RIMBP2: variants seen among roughly 807,000 people sequenced by gnomAD.
The protein encoded by RIMBP2 is RIMS binding protein 2.
A neutral mutation model predicts 118.6 loss-of-function variants in RIMBP2; 48 were observed. The ratio of observed to expected loss-of-function variants is 0.40; its 90% confidence interval spans 0.32 to 0.51. RIMBP2 has a LOEUF of 0.51. Ranked by LOEUF, RIMBP2 falls within the 20% of genes least tolerant of loss-of-function variation. RIMBP2 has a pLI of 0.41. For missense variants in RIMBP2, 1,551 were observed against 1,768.3 expected, an observed-to-expected ratio of 0.88 and a Z score of 2.20; for synonymous variants, 762 against 742.9, an observed-to-expected ratio of 1.03 and a Z score of -0.42.
intron 12 of RIMBP2, 78 bp from the exon 13 acceptor site, chr12:130,437,369 C>T: frequency 1.6e-6 from 2 of 1,225,642 alleles, no homozygotes; most frequent in Non-Finnish European, 2.3e-6. Flanking sequence ...GACCAGTCCT[C>T]TGCCCAGAGG....
intron 6 of RIMBP2, chr12:130,466,143 C>T (rs1363798381): frequency 6.6e-6 from 1 of 152,174 alleles, no homozygotes; most frequent in East Asian, 1.9e-4. Context: ...AGGACACGGC[C>T]CAGCACAGGG....
At chr12:130,673,005 A>T (rs12308696) in intron 1 of RIMBP2, among the ~76,000 whole-genome samples, 87,886 of 151,804 alleles carry the variant, frequency 0.58, 25,720 homozygotes, top group East Asian at 0.72. Flanking sequence ...CTCCCAGGAA[A>T]CAAAGGAAGA....
Position 130,687,984 on chromosome 12 carries a change from A to T in RIMBP2, c.-352+28238T>A, listed in dbSNP as rs142244635. 4.6e-3 allele frequency among the ~76,000 whole-genome samples: 698 copies of T among 152,332 alleles called. 7 individuals carry two copies. The highest frequency in any genetic ancestry group is 0.016 in the African/African-American group (667 of 41,570). Reference sequence around the variant, plus strand: ...ATTTTAGAAATTATTACCACGAGAGACAGTGAAATGAGCCCAAAGACCTGA... The same window carrying T: ...ATTTTAGAAATTATTACCACGAGAGTCAGTGAAATGAGCCCAAAGACCTGA... On this transcript the variant is annotated intron_variant, in intron 1 of 22. Transcript: ENST00000690449.
chr12:130,406,715 C>G (rs570830363), intron 20 of RIMBP2, among the ~76,000 whole-genome samples: 6 of 152,196 alleles, frequency 3.9e-5, no homozygotes, highest in African/African-American at 1.4e-4. Context: ...AGTGCAACCT[C>G]GGCCCACTGC....
At chr12:130,445,306 G>A in intron 9 of RIMBP2, 37 bp from the exon 10 acceptor site, 1 of 1,484,268 alleles carries the variant, frequency 6.7e-7, no homozygotes. Context: ...TAGAGGCTCT[G>A]GAGGACACAG....
At chr12:130,674,264 C>T (rs991383613) in intron 1 of RIMBP2, among the ~76,000 whole-genome samples, 2 of 152,174 alleles carry the variant, frequency 1.3e-5, no homozygotes, top group Non-Finnish European at 2.9e-5. Context: ...CCTTCCGCCA[C>T]GATAAAAAGT....
At chr12:130,681,627 A>G (rs554592300) in intron 1 of RIMBP2, among the ~76,000 whole-genome samples, 3 of 152,334 alleles carry the variant, frequency 2.0e-5, no homozygotes, top group South Asian at 2.1e-4. Flanking sequence ...ATTAATTGCC[A>G]GCCTTGGTAA....
At chr12:130,531,197 G>A (rs1262527216) in intron 2 of RIMBP2, among the ~76,000 whole-genome samples, 1 of 152,094 alleles carries the variant, frequency 6.6e-6, no homozygotes, top group African/African-American at 2.4e-5. Context: ...TTAAATTGAG[G>A]TAAAACATAC....
chr12:130,594,443 T>C (rs912638853), intron 2 of RIMBP2, among the ~76,000 whole-genome samples: 8 of 152,250 alleles, frequency 5.3e-5, no homozygotes, highest in African/African-American at 1.9e-4. Flanking sequence ...GGTTTACTTG[T>C]ATAATACTTA....
At chr12:130,454,996 G>C (rs59765815) in intron 7 of RIMBP2, among the ~76,000 whole-genome samples, 1,974 of 152,336 alleles carry the variant, frequency 0.013, 33 homozygotes, top group African/African-American at 0.044. Context: ...AGCTCACACT[G>C]AACACCTGCT....
chr12:130,636,010 T>C (rs1283665777), intron 1 of RIMBP2, among the ~76,000 whole-genome samples: 2 of 152,130 alleles, frequency 1.3e-5, no homozygotes, highest in East Asian at 3.9e-4. Flanking sequence ...AAGGTTACCA[T>C]GCCACTCGTG....
chr12:130,639,124 A>G (rs1594122625), intron 1 of RIMBP2, among the ~76,000 whole-genome samples: 1 of 152,280 alleles, frequency 6.6e-6, no homozygotes, highest in East Asian at 1.9e-4. Context: ...ACGGTGGCTC[A>G]CGCCTGTAAT....
chr12:130,659,973 C>CAAAA (rs78161225), intron 1 of RIMBP2: 1 of 121,380 alleles, frequency 8.2e-6, no homozygotes. Flanking sequence ...GACTCCATCT[C>CAAAA]AAAAAAAAAA....
intron 4 of RIMBP2, among the ~76,000 whole-genome samples, chr12:130,485,112 G>C (rs1342094521): frequency 6.6e-6 from 1 of 152,196 alleles, no homozygotes; most frequent in Non-Finnish European, 1.5e-5. Flanking sequence ...ACCAGGTACA[G>C]GGTGGGAGGG....
intron 1 of RIMBP2, among the ~76,000 whole-genome samples, chr12:130,663,675 A>T (rs1448294580): frequency 6.6e-6 from 1 of 151,766 alleles, no homozygotes; most frequent in Non-Finnish European, 1.5e-5. Flanking sequence ...GCACCGTGAC[A>T]TGGGTGTCCC....
chr12:130,507,042 G>A (rs982684324), intron 3 of RIMBP2, among the ~76,000 whole-genome samples: 2 of 152,180 alleles, frequency 1.3e-5, no homozygotes, highest in African/African-American at 4.8e-5. Context: ...CACAGGTCTG[G>A]CCAATCAGTG....
intron 4 of RIMBP2, among the ~76,000 whole-genome samples, chr12:130,503,086 T>C (rs534276666): frequency 6.6e-6 from 1 of 152,112 alleles, no homozygotes; most frequent in Non-Finnish European, 1.5e-5. Flanking sequence ...TTTTCTCTTG[T>C]ACAAGTCCCA....
chr12:130,591,535 A>G (rs948688699), intron 2 of RIMBP2, among the ~76,000 whole-genome samples: 1 of 151,548 alleles, frequency 6.6e-6, no homozygotes, highest in African/African-American at 2.4e-5. Flanking sequence ...GAAGTCTGGA[A>G]TCGAGGTGTC....
At chr12:130,445,368 A>C in intron 9 of RIMBP2, 99 bp from the exon 10 acceptor site, 1 of 728,930 alleles carries the variant, frequency 1.4e-6, no homozygotes, top group East Asian at 2.7e-5. Flanking sequence ...CTTCTCTCCC[A>C]CTCCTAGGGA....
Sources: allele counts gnomAD v4.1 joint callset (sites outside exome capture counted in the v4.1 genomes callset), GRCh38; gene constraint gnomAD v4.1.1; transcripts MANE v1.5; gene names NCBI Gene and HGNC (gene_info 2026-07-23, HGNC 2026-07-21).